Variants in UNC79 observed in about 807,000 individuals in gnomAD.
UNC79 encodes the protein protein unc-79 homolog.
UNC79 carries 37 observed loss-of-function variants against 283.1 expected under a neutral mutation model. The ratio of observed to expected loss-of-function variants is 0.13; its 90% CI spans 0.10 to 0.17. UNC79 has a LOEUF of 0.17. UNC79 is among the 10% of genes least tolerant of loss of function. The pLI is 1.00. For missense variants in UNC79, 2,272 were observed against 3,211.1 expected, an observed-to-expected ratio of 0.71 and a Z score of 7.07; for synonymous variants, 1,107 against 1,200.2, an observed-to-expected ratio of 0.92 and a Z score of 1.61.
chr14:93,457,732 A>G (rs923840264), intron 1 of UNC79, among the ~76,000 whole-genome samples: 4 of 152,260 alleles, frequency 2.6e-5, no homozygotes, highest in Non-Finnish European at 5.9e-5. Flanking sequence ...ATGTGGAAAA[A>G]GGATCGAAAG....
intron 30 of UNC79, among the ~76,000 whole-genome samples, chr14:93,626,756 T>C (rs1041942374): frequency 6.6e-6 from 1 of 152,220 alleles, no homozygotes; most frequent in Non-Finnish European, 1.5e-5. Context: ...TTTGGTATCA[T>C]TTTTAATGTT....
chr14:93,373,355 G>A (rs1434302935), intron 1 of UNC79, among the ~76,000 whole-genome samples: 1 of 151,818 alleles, frequency 6.6e-6, no homozygotes, highest in Non-Finnish European at 1.5e-5. Flanking sequence ...ACCAAAAGCT[G>A]GTTCCTAGTA....
At chr14:93,614,097 AT>A (rs769183207) in intron 27 of UNC79, among the ~76,000 whole-genome samples, 1 of 151,252 alleles carries the variant, frequency 6.6e-6, no homozygotes, top group Non-Finnish European at 1.5e-5. Flanking sequence ...AGCATGGGAG[AT>A]TTTTTTCCTT....
At chr14:93,503,764 G>T (rs2059406282) in intron 7 of UNC79, among the ~76,000 whole-genome samples, 1 of 150,844 alleles carries the variant, frequency 6.6e-6, no homozygotes, top group Non-Finnish European at 1.5e-5. Flanking sequence ...TCTGAATAAT[G>T]TCTTATCATT....
chr14:93,339,590 C>T (rs376001143), intron 1 of UNC79, among the ~76,000 whole-genome samples: 11 of 152,324 alleles, frequency 7.2e-5, no homozygotes, highest in South Asian at 2.1e-4. Flanking sequence ...TGAGCCACTG[C>T]GCCCGGCCTA....
intron 1 of UNC79, among the ~76,000 whole-genome samples, chr14:93,416,146 T>C (rs2055450332): frequency 2.1e-5 from 3 of 140,366 alleles, no homozygotes; most frequent in South Asian, 2.5e-4. Flanking sequence ...CTGCTTTCTC[T>C]TGTGGGCATT....
intron 35 of UNC79, among the ~76,000 whole-genome samples, chr14:93,648,211 A>T (rs2069845217): frequency 6.6e-6 from 1 of 152,228 alleles, no homozygotes; most frequent in African/African-American, 2.4e-5. Context: ...TCTACAGTCA[A>T]CAGTAATGTA....
intron 1 of UNC79, among the ~76,000 whole-genome samples, chr14:93,440,259 G>A (rs533686240): frequency 1.3e-5 from 2 of 152,002 alleles, no homozygotes; most frequent in Admixed American, 1.3e-4. Context: ...GTGGGTCCAG[G>A]AACCAATCCC....
intron 1 of UNC79, among the ~76,000 whole-genome samples, chr14:93,435,032 A>G (rs2056029328): frequency 6.6e-6 from 1 of 152,208 alleles, no homozygotes; most frequent in South Asian, 2.1e-4. Flanking sequence ...TGTAAGGGCC[A>G]TGCATGGAGA....
intron 34 of UNC79, 134 bp downstream of exon 37, chr14:93,643,831 C>A: frequency 7.4e-7 from 1 of 1,353,762 alleles, no homozygotes; most frequent in Non-Finnish European, 1.0e-6. Context: ...TCAACTCAGA[C>A]TAGTTTTAAA....
chr14:93,450,795 CT>C (rs1475880367), intron 1 of UNC79, among the ~76,000 whole-genome samples: 1 of 152,102 alleles, frequency 6.6e-6, no homozygotes, highest in Non-Finnish European at 1.5e-5. Flanking sequence ...GTGGTGGGCT[CT>C]TTTAATCCGC....
intron 4 of UNC79, among the ~76,000 whole-genome samples, chr14:93,485,466 G>A (rs1282449878): frequency 1.3e-5 from 2 of 151,846 alleles, no homozygotes; most frequent in Admixed American, 1.3e-4. Flanking sequence ...AATTAAACAG[G>A]TACTTTCCTG....
intron 27 of UNC79, among the ~76,000 whole-genome samples, chr14:93,616,119 T>C (rs1027978057): frequency 6.6e-5 from 10 of 152,272 alleles, no homozygotes; most frequent in African/African-American, 2.4e-4. Context: ...GTTTATATCA[T>C]GTAAATAAAT....
Position 93,688,830 on chromosome 14 carries a change from A to G in UNC79, c.7075A>G (p.Met2359Val), listed in dbSNP as rs763596192. Residue 2359 changes from methionine (M) to valine (V), a missense_variant, in exon 44 of 49, where the codon ATG becomes GTG. Met to Val is a conservative substitution (Grantham distance 21). Around this residue, in one of 11 missense-constraint regions of UNC79, gnomAD observed 225 missense variants for 334.2 expected, o/e 0.67. Coordinates refer to ENST00000555664, the Ensembl canonical transcript of UNC79. This position sits in a 1 kb window ranked among gnomAD's most constrained non-coding sequence, Gnocchi z 4.0. ...TTGGCTTTATCATCCCCCCTCTGCA[A>G]TGCAGCAAGGGTAAGACCCTTACTA... 1.9e-6 allele frequency: 3 copies of G among 1,613,788 alleles called. No homozygotes were observed. The highest frequency in any genetic ancestry group is 3.3e-5 in the Admixed American group (2 of 59,980).
At chr14:93,598,192 T>C (rs931132843) in intron 24 of UNC79, among the ~76,000 whole-genome samples, 1 of 152,128 alleles carries the variant, frequency 6.6e-6, no homozygotes. Flanking sequence ...GATCTTGCTA[T>C]ATTGCCCAGG....
intron 1 of UNC79, among the ~76,000 whole-genome samples, chr14:93,424,720 G>A (rs2055685592): frequency 6.6e-6 from 1 of 151,972 alleles, no homozygotes. Flanking sequence ...GGGAAGAATA[G>A]TGGGGGTGGA....
intron 14 of UNC79, among the ~76,000 whole-genome samples, chr14:93,568,688 TAAAAAAC>T (rs2063042804): frequency 6.9e-6 from 1 of 145,378 alleles, no homozygotes; most frequent in African/African-American, 2.5e-5. Flanking sequence ...ATAAAATAAA[TAAAAAAC>T]AAAAAACAAA....
intron 1 of UNC79, among the ~76,000 whole-genome samples, chr14:93,467,364 A>T (rs937943252): frequency 6.6e-6 from 1 of 152,134 alleles, no homozygotes; most frequent in Non-Finnish European, 1.5e-5. Flanking sequence ...AATTTGGAGT[A>T]CTGCTTTTCT....
intron 10 of UNC79, among the ~76,000 whole-genome samples, chr14:93,530,414 TACAA>T (rs200851537): frequency 0.018 from 2,622 of 147,854 alleles, 36 homozygotes; most frequent in South Asian, 0.074. Context: ...CTACTAAAAA[TACAA>T]ACAAACAAAC....
Sources: allele counts gnomAD v4.1 joint callset (sites outside exome capture counted in the v4.1 genomes callset), GRCh38; gene constraint gnomAD v4.1.1; regional missense constraint gnomAD v4.1.1; non-coding constraint Gnocchi (gnomAD v3.1); transcripts MANE v1.5; gene names NCBI Gene and HGNC (gene_info 2026-07-23, HGNC 2026-07-21).